BCAS3: variants seen among roughly 807,000 people sequenced by gnomAD.
BCAS3 encodes the protein BCAS4/BCAS3 fusion.
BCAS3 carries 53 observed loss-of-function variants against 116.1 expected under a neutral mutation model. The observed-to-expected ratio is 0.46, with a 90% CI of 0.37 to 0.57. The LOEUF (loss-of-function observed/expected upper bound fraction) is 0.57. Ranked by LOEUF, BCAS3 falls within the 20% of genes least tolerant of loss-of-function variation. The pLI is 0.00. For missense variants in BCAS3, 917 were observed against 1,165.4 expected, an observed-to-expected ratio of 0.79 and a Z score of 3.10; for synonymous variants, 391 against 408.2, an observed-to-expected ratio of 0.96 and a Z score of 0.51.
chr17:60,726,916 A>G (rs75431007), intron 5 of BCAS3, among the ~76,000 whole-genome samples: 4,780 of 152,236 alleles, frequency 0.031, 238 homozygotes, highest in African/African-American at 0.1. Flanking sequence ...TGTTTTAGGC[A>G]TATTGCATAT....
At chr17:60,829,811 T>C (rs2050757547) in intron 7 of BCAS3, among the ~76,000 whole-genome samples, 2 of 152,164 alleles carry the variant, frequency 1.3e-5, no homozygotes, top group African/African-American at 4.8e-5. Context: ...ATTAGAACAA[T>C]GTAGTAAATG....
intron 19 of BCAS3, among the ~76,000 whole-genome samples, chr17:61,067,313 A>T (rs867536017): frequency 7.6e-5 from 10 of 131,766 alleles, no homozygotes; most frequent in East Asian, 2.2e-4. Flanking sequence ...ATATATATAT[A>T]TATTTATACA....
intron 7 of BCAS3, among the ~76,000 whole-genome samples, chr17:60,867,207 G>A (rs1358030980): frequency 6.6e-6 from 1 of 151,642 alleles, no homozygotes; most frequent in Non-Finnish European, 1.5e-5. Context: ...CCAGGTTCAA[G>A]CAATTTTCCT....
At chr17:61,271,083 GT>G (rs1338530374) in intron 22 of BCAS3, among the ~76,000 whole-genome samples, 1 of 137,154 alleles carries the variant, frequency 7.3e-6, no homozygotes, top group Non-Finnish European at 1.6e-5. Flanking sequence ...CACATTTTCA[GT>G]TTTTTGTACA....
intron 13 of BCAS3, among the ~76,000 whole-genome samples, chr17:60,936,813 T>A (rs1427990817): frequency 6.6e-6 from 1 of 152,208 alleles, no homozygotes; most frequent in Non-Finnish European, 1.5e-5. Flanking sequence ...GTAGGTTGCC[T>A]GTTCACTCTG....
Position 60,683,988 on chromosome 17 carries a change from G to A in BCAS3, c.90G>A (p.Gln30=). 6 of 1,613,726 alleles carry A rather than the reference G, an allele frequency of 3.7e-6. No individual in the cohort carries two copies. Among genetic ancestry groups the A allele is most frequent in the Non-Finnish European group, 5.1e-6 (6 of 1,179,732 alleles). ...VVVRPQAVTE[Q]SYMESVVTFL... ...CCATTTCACCCTTTTCCAGAGAGCA[G>A]TCCTACATGGAAAGTGTTGTGACTT... Residue 30 remains glutamine, a synonymous_variant, in exon 3 of 24, where the codon CAG becomes CAA. Coordinates refer to ENST00000407086, the MANE Select transcript of BCAS3 (RefSeq NM_017679.5).
rs1313889296 is a variant in BCAS3 at position 61,356,226 on chromosome 17, T to A, written c.2426-12101T>A. ...CCAGGCTGGTCTCGAACTCCTGACC[T>A]CAGGTGATCCACACGCCTCGGCCTC... On this transcript the variant is annotated intron_variant, in intron 22 of 23. Coordinates refer to ENST00000407086, the MANE Select transcript of BCAS3 (RefSeq NM_017679.5). This position sits in a 1 kb window ranked among gnomAD's most constrained non-coding sequence, Gnocchi z 5.4. Among the ~76,000 whole-genome samples the A allele has an allele frequency of 6.6e-6, 1 of 152,158 alleles. No individual in the cohort carries two copies. Among genetic ancestry groups the A allele is most frequent in the Non-Finnish European group, 1.5e-5 (1 of 68,016 alleles).
chr17:60,922,943 T>C (rs9909706), intron 12 of BCAS3, among the ~76,000 whole-genome samples: 4,267 of 152,226 alleles, frequency 0.028, 217 homozygotes, highest in African/African-American at 0.098. Flanking sequence ...TATAGTGTTA[T>C]ATGGAAGAAA....
At chr17:61,195,666 A>C (rs1175080752) in intron 22 of BCAS3, among the ~76,000 whole-genome samples, 1 of 151,588 alleles carries the variant, frequency 6.6e-6, no homozygotes, top group Non-Finnish European at 1.5e-5. Context: ...GGTGTGAGCC[A>C]CCGCACCCGG....
At position 61,241,748 on chromosome 17, in the gene BCAS3, A is replaced by C. The variant is rs2047542112; in HGVS notation, c.2426-126579A>C. ...AATAATAATAAGAATAATAGTTTGG[A>C]GGTAAAATGAGTCTAAAAAATGTAC... On this transcript the variant is annotated intron_variant, in intron 22 of 23. Coordinates refer to ENST00000407086, the MANE Select transcript of BCAS3 (RefSeq NM_017679.5). This position sits in a 1 kb window ranked among gnomAD's most constrained non-coding sequence, Gnocchi z 4.6. Among the ~76,000 whole-genome samples the C allele has an allele frequency of 6.6e-6, 1 of 152,100 alleles. No homozygotes were observed. The highest frequency in any genetic ancestry group is 2.1e-4 in the South Asian group (1 of 4,824).
rs1365300549 is a variant in BCAS3 at position 61,227,478 on chromosome 17, C to T, written c.2426-140849C>T. Among the ~76,000 whole-genome samples, 3 of 152,174 alleles carry T rather than the reference C, an allele frequency of 2.0e-5. No individual in the cohort carries two copies. The highest frequency in any genetic ancestry group is 4.4e-5 in the Non-Finnish European group (3 of 68,014). On this transcript the variant is annotated intron_variant, in intron 22 of 23. Transcript: ENST00000407086. The surrounding 1 kb of genome is among the most constrained non-coding windows in gnomAD (Gnocchi z 6.1). Reference sequence around the variant, plus strand: ...TCTAGGGACTGTAAGAAGTTTGAAACAGAAAAGGGCTTTCTTTAGCTTTTG... The same window carrying T: ...TCTAGGGACTGTAAGAAGTTTGAAATAGAAAAGGGCTTTCTTTAGCTTTTG...
chr17:61,251,076 A>T lies in BCAS3; in HGVS notation c.2426-117251A>T, dbSNP rs922618420. ...CAGCCCTGCCCCCAGGAAACCCTTCATTCAGAAAGGTCATTTCATTTCCTG... is the reference window on the plus strand; with the variant it reads ...CAGCCCTGCCCCCAGGAAACCCTTCTTTCAGAAAGGTCATTTCATTTCCTG... On this transcript the variant is annotated intron_variant, in intron 22 of 23. Transcript: ENST00000407086. The surrounding 1 kb of genome is among the most constrained non-coding windows in gnomAD (Gnocchi z 4.7). 5.3e-5 allele frequency among the ~76,000 whole-genome samples: 8 copies of T among 152,192 alleles called. No individual in the cohort carries two copies. The highest frequency in any genetic ancestry group is 1.5e-5 in the Non-Finnish European group (1 of 68,034).
At position 61,163,423 on chromosome 17, in the gene BCAS3, C is replaced by T. The variant is rs550802900; in HGVS notation, c.2425+78859C>T. Among the ~76,000 whole-genome samples, 15 of 93,962 alleles carry T rather than the reference C, an allele frequency of 1.6e-4. No homozygotes were observed. In the South Asian group the frequency reaches 5.1e-3, roughly 32 times the overall value. The allele number at this position is 93,962 out of a possible 152,430, so 61.6% of individuals were successfully genotyped here. A position where few individuals can be genotyped will look rare whatever the true frequency, so the allele number is the denominator to read the frequency against. ...TGGGCGACAGAGCGAGACTCCGTCTCAGAAAGGAAAAAAAAAAAAAAAGTT... is the reference window on the plus strand; with the variant it reads ...TGGGCGACAGAGCGAGACTCCGTCTTAGAAAGGAAAAAAAAAAAAAAAGTT... On this transcript the variant is annotated intron_variant, in intron 22 of 23. Transcript: ENST00000407086.
At chr17:60,951,104 G>C (rs2060807569) in intron 14 of BCAS3, among the ~76,000 whole-genome samples, 1 of 149,076 alleles carries the variant, frequency 6.7e-6, no homozygotes, top group Non-Finnish European at 1.5e-5. Context: ...CAAAGCTATT[G>C]ATAATTTTGT....
intron 4 of BCAS3, among the ~76,000 whole-genome samples, chr17:60,701,805 C>CAAAAAAAAAAA (rs71370178): frequency 1.3e-4 from 10 of 77,086 alleles, no homozygotes; most frequent in African/African-American, 5.1e-4. Flanking sequence ...ACTAAAAATA[C>CAAAAAAAAAAA]AAAAAAAAAA....
At chr17:61,079,882 A>ATTTT (rs745702399) in intron 21 of BCAS3, among the ~76,000 whole-genome samples, 12 of 65,888 alleles carry the variant, frequency 1.8e-4, no homozygotes, top group Admixed American at 3.4e-4. Context: ...AGGCATGAGT[A>ATTTT]TTTTTTTTTT....
At chr17:60,947,903 A>C (rs1009349175) in intron 14 of BCAS3, among the ~76,000 whole-genome samples, 2 of 152,142 alleles carry the variant, frequency 1.3e-5, no homozygotes, top group African/African-American at 4.8e-5. Context: ...CTATTTGATC[A>C]TGAAAATTTG....
Position 61,258,302 on chromosome 17 carries a change from A to T in BCAS3, c.2426-110025A>T, listed in dbSNP as rs1183947231. On this transcript the variant is annotated intron_variant, in intron 22 of 23. Coordinates refer to ENST00000407086, the MANE Select transcript of BCAS3 (RefSeq NM_017679.5). This position sits in a 1 kb window ranked among gnomAD's most constrained non-coding sequence, Gnocchi z 4.7. ...TATTTTCTTTCCTATCAGACTTTAAATTCATTGTGGAAAGGGGTTGTTACT... is the reference window on the plus strand; with the variant it reads ...TATTTTCTTTCCTATCAGACTTTAATTTCATTGTGGAAAGGGGTTGTTACT... Among the ~76,000 whole-genome samples, 1 of 152,212 alleles carries T rather than the reference A, an allele frequency of 6.6e-6. No homozygotes were observed. Among genetic ancestry groups the T allele is most frequent in the East Asian group, 1.9e-4 (1 of 5,194 alleles).
chr17:60,811,376 C>G (rs1000659747), intron 7 of BCAS3: 2 of 621,298 alleles, frequency 3.2e-6, no homozygotes, highest in South Asian at 1.4e-5. Flanking sequence ...CAACTCCAGG[C>G]AAACCATCCA....
Sources: allele counts gnomAD v4.1 joint callset (sites outside exome capture counted in the v4.1 genomes callset), GRCh38; gene constraint gnomAD v4.1.1; non-coding constraint Gnocchi (gnomAD v3.1); transcripts MANE v1.5; gene names NCBI Gene and HGNC (gene_info 2026-07-23, HGNC 2026-07-21).